The following CIT variants were observed in gnomAD, a reference collection of about 807,000 sequenced individuals.
CIT encodes citron Rho-interacting kinase.
Under a neutral mutation model 272.7 loss-of-function variants are expected in CIT, and 79 were observed. The ratio of observed to expected loss-of-function variants is 0.29; its 90% confidence interval spans 0.24 to 0.35. CIT has a LOEUF of 0.35. Ranked by LOEUF, CIT falls within the 10% of genes least tolerant of loss-of-function variation. The pLI, the probability that CIT is intolerant of heterozygous loss-of-function variation, is 1.00. For missense variants in CIT, 1,909 were observed against 2,618.3 expected, an observed-to-expected ratio of 0.73 and a Z score of 5.91; for synonymous variants, 948 against 995.6, an observed-to-expected ratio of 0.95 and a Z score of 0.90.
chr12:119,821,834 G>A (rs1014994780), intron 9 of CIT, among the ~76,000 whole-genome samples: 65 of 152,202 alleles, frequency 4.3e-4, no homozygotes, highest in Middle Eastern at 3.4e-3. Flanking sequence ...GTGGCCACCC[G>A]AATAATAAAA....
chr12:119,847,796 C>T (rs1479463866), intron 5 of CIT, among the ~76,000 whole-genome samples: 1 of 152,086 alleles, frequency 6.6e-6, no homozygotes, highest in Non-Finnish European at 1.5e-5. Context: ...GAGGCTGAGG[C>T]AAGAGAATCG....
In CIT at chr12:119,762,863, A is replaced by AC. The variant is rs1410311526; in HGVS notation, c.2305-1809dup. ...AGACCAGCCTGGGCAACATAGCAAG[A>AC]CCCCATTTCCACAAAAAGTATAAAA... On this transcript the variant is annotated intron_variant, in intron 19 of 47. Coordinates refer to ENST00000392521, the MANE Select transcript of CIT (RefSeq NM_001206999.2). Among the ~76,000 whole-genome samples, 6 of 152,158 alleles carry AC rather than the reference A, an allele frequency of 3.9e-5. No homozygotes were observed. The South Asian group carries it at 1.0e-3, about 26-fold the overall frequency.
At chr12:119,837,210 C>G (rs1969076149) in intron 5 of CIT, among the ~76,000 whole-genome samples, 1 of 152,216 alleles carries the variant, frequency 6.6e-6, no homozygotes. Context: ...GTAAGCCAGA[C>G]ATTTACTAAG....
intron 8 of CIT, among the ~76,000 whole-genome samples, chr12:119,824,857 G>A (rs111878272): frequency 3.2e-4 from 49 of 152,196 alleles, no homozygotes; most frequent in Middle Eastern, 6.8e-3. Context: ...GTAGTACAGC[G>A]GCGCGATCTT....
At chr12:119,785,169 C>T in intron 10 of CIT, 104 bp from the exon 11 acceptor site, 2 of 1,244,914 alleles carry the variant, frequency 1.6e-6, no homozygotes, top group African/African-American at 1.5e-5. Flanking sequence ...ATCTCATGCT[C>T]TTGATGTTAG....
At chr12:119,757,602 C>A in intron 21 of CIT, 57 bp from the exon 22 acceptor site, 1 of 1,602,130 alleles carries the variant, frequency 6.2e-7, no homozygotes, top group South Asian at 1.1e-5. Flanking sequence ...GGGTTGAGCC[C>A]GTTTCCACGG....
At chr12:119,872,405 T>C (rs375399264) in intron 2 of CIT, among the ~76,000 whole-genome samples, 2 of 152,232 alleles carry the variant, frequency 1.3e-5, no homozygotes, top group East Asian at 1.9e-4. Context: ...CTCACCTGAA[T>C]GGAAAACAAA....
At chr12:119,745,374 CAAAA>C (rs757825062) in intron 23 of CIT, among the ~76,000 whole-genome samples, 313 of 7,002 alleles carry the variant, frequency 0.045, 5 homozygotes, top group Middle Eastern at 0.12. Context: ...AAGAAACAAG[CAAAA>C]AAAAAAAAAA....
intron 17 of CIT, among the ~76,000 whole-genome samples, chr12:119,772,130 G>A (rs1396433070): frequency 1.5e-5 from 2 of 135,286 alleles, no homozygotes; most frequent in African/African-American, 2.8e-5. Context: ...GCAATAGGAG[G>A]AGGGTGAAAT....
intron 4 of CIT, among the ~76,000 whole-genome samples, chr12:119,855,720 C>T (rs1476945073): frequency 1.3e-5 from 2 of 152,102 alleles, no homozygotes; most frequent in Non-Finnish European, 2.9e-5. Flanking sequence ...TTTTATAAGC[C>T]CCCAGCCCAC....
chr12:119,785,218 A>G (rs920492870), intron 10 of CIT, among the ~76,000 whole-genome samples, 153 bp from the exon 11 acceptor site: 1 of 152,212 alleles, frequency 6.6e-6, no homozygotes, highest in African/African-American at 2.4e-5. Flanking sequence ...AAAGATGCCC[A>G]TGTCCTGATC....
chr12:119,802,880 C>T (rs1400065052), intron 10 of CIT, among the ~76,000 whole-genome samples: 1 of 152,130 alleles, frequency 6.6e-6, no homozygotes, highest in African/African-American at 2.4e-5. Context: ...GCACATTTCT[C>T]CTTTGACCGG....
Position 119,690,156 on chromosome 12 carries a change from T to G in CIT, c.6181A>C (p.Asn2061His). ...GCCTCGGAATGCTGCCTCACCTTGT[T>G]CACCTGGGACAGCGGGGTCCTCACG... Reference protein sequence around the residue: ...GAVRTPLSQVNKVWDQSSV With the variant: ...GAVRTPLSQVHKVWDQSSV The change falls in exon 47 of 48, where the codon AAC becomes CAC. Residue 2061 changes from asparagine (N) to histidine (H), a missense_variant. Asn to His is a moderately conservative substitution (Grantham distance 68, BLOSUM62 1). Transcript: ENST00000392521. The surrounding 1 kb of genome is among the most constrained non-coding windows in gnomAD (Gnocchi z 6.0). 6.8e-7 allele frequency: 1 copy of G among 1,467,424 alleles called. No homozygotes were observed. The highest frequency in any genetic ancestry group is 9.0e-7 in the Non-Finnish European group (1 of 1,117,114). 90.9% of individuals were successfully genotyped at this position (1,467,424 alleles called of 1,614,324 possible).
chr12:119,874,153 C>T (rs1334723424), intron 2 of CIT, among the ~76,000 whole-genome samples: 6 of 152,094 alleles, frequency 3.9e-5, no homozygotes, highest in East Asian at 3.8e-4. Flanking sequence ...CGACAACCTC[C>T]GCCTCCCGGG....
intron 28 of CIT, among the ~76,000 whole-genome samples, chr12:119,727,355 G>T (rs1360159007): frequency 6.6e-6 from 1 of 152,112 alleles, no homozygotes; most frequent in Non-Finnish European, 1.5e-5. Flanking sequence ...CACCTAGAAC[G>T]GAAAGCTAAC....
intron 3 of CIT, among the ~76,000 whole-genome samples, chr12:119,866,330 C>T (rs1464466340): frequency 6.6e-6 from 1 of 152,168 alleles, no homozygotes; most frequent in Non-Finnish European, 1.5e-5. Flanking sequence ...TCAAAGAGAT[C>T]CTATGTCCCT....
At chr12:119,742,299 G>T (rs752371468) in intron 24 of CIT, 112 bp downstream of exon 24, 1 of 710,202 alleles carries the variant, frequency 1.4e-6, no homozygotes, top group Non-Finnish European at 2.2e-6. Context: ...TCTTCTTCAA[G>T]CTGCAAGTTC....
chr12:119,737,395 T>C (rs1425783566), intron 24 of CIT, among the ~76,000 whole-genome samples: 3 of 112,330 alleles, frequency 2.7e-5, no homozygotes, highest in Non-Finnish European at 5.5e-5. Context: ...CACATGAAAA[T>C]ACATCATTGC....
chr12:119,724,581 T>G (rs1011765909), intron 28 of CIT, among the ~76,000 whole-genome samples: 3 of 152,138 alleles, frequency 2.0e-5, no homozygotes, highest in Non-Finnish European at 4.4e-5. Flanking sequence ...GAGATGAATT[T>G]GACCAGGACT....
Sources: gnomAD v4.1 joint callset for allele counts (sites outside exome capture counted in the v4.1 genomes callset) on GRCh38, gnomAD v4.1.1 for gene constraint, Gnocchi (gnomAD v3.1) non-coding constraint, MANE v1.5 for transcripts, NCBI Gene and HGNC (gene_info 2026-07-23, HGNC 2026-07-21) for gene names.